The following CAST variants were observed in gnomAD, a reference collection of about 807,000 sequenced individuals.
CAST encodes the protein MIR583 host.
A neutral mutation model predicts 119.6 loss-of-function variants in CAST; 76 were observed. The ratio of observed to expected loss-of-function variants is 0.64; its 90% CI spans 0.53 to 0.77. The LOEUF (loss-of-function observed/expected upper bound fraction) is 0.77. CAST is among the 30% of genes least tolerant of loss of function. The probability of loss-of-function intolerance (pLI) is 0.00; values close to 1 mark genes in which losing one functional copy is unlikely to be tolerated. For synonymous variants in CAST, 319 were observed against 331.6 expected, an observed-to-expected ratio of 0.96 and a Z score of 0.41; for missense variants, 953 against 946.5, an observed-to-expected ratio of 1.01 and a Z score of -0.09.
At chr5:96,632,408 A>AT (rs1747833266) in intron 1 of CAST, among the ~76,000 whole-genome samples, 1 of 150,688 alleles carries the variant, frequency 6.6e-6, no homozygotes, top group Non-Finnish European at 1.5e-5. Flanking sequence ...TGCTTTGTCA[A>AT]TTTTATATAT....
chr5:96,423,659 T>C, the CAST span, among the ~76,000 whole-genome samples: 2,059 of 152,318 alleles, frequency 0.014, 44 homozygotes, highest in African/African-American at 0.047. Context: ...CTTCTCCCGA[T>C]TGTCCCAAAT....
In CAST at chr5:96,747,428, C is replaced by T. The variant is rs775121679; in HGVS notation, c.1332+36C>T. ...ACATTTTTTTCTGATACTTAAAGAACAATAGACATGTAAAGTATGAATTAA... is the reference window on the plus strand; with the variant it reads ...ACATTTTTTTCTGATACTTAAAGAATAATAGACATGTAAAGTATGAATTAA... On this transcript the variant is annotated intron_variant, in intron 18 of 31. Transcript: ENST00000675179. 4 of 1,306,028 alleles carry T rather than the reference C, an allele frequency of 3.1e-6. No individual in the cohort carries two copies. In the Admixed American group the frequency reaches 6.9e-5, roughly 22 times the overall value. 80.9% of individuals were successfully genotyped at this position (1,306,028 alleles called of 1,614,324 possible).
the CAST span, among the ~76,000 whole-genome samples, chr5:96,154,017 G>A: frequency 1.8e-4 from 28 of 152,102 alleles, no homozygotes; most frequent in Non-Finnish European, 2.8e-4. Flanking sequence ...GAGGCCGGGC[G>A]TGGTGGCTCA....
At chr5:96,315,846 A>G in the CAST span, among the ~76,000 whole-genome samples, 2 of 152,046 alleles carry the variant, frequency 1.3e-5, no homozygotes, top group African/African-American at 4.8e-5. Flanking sequence ...CTTTCCTGAG[A>G]TGGCCATGCT....
At chr5:96,361,379 G>GA in the CAST span, among the ~76,000 whole-genome samples, 1,268 of 151,380 alleles carry the variant, frequency 8.4e-3, 16 homozygotes, top group African/African-American at 0.029. Context: ...ACTGGGGTAT[G>GA]AAAAAAAAAC....
At chr5:96,427,632 A>G in the CAST span, among the ~76,000 whole-genome samples, 2 of 152,150 alleles carry the variant, frequency 1.3e-5, no homozygotes, top group African/African-American at 4.8e-5. Flanking sequence ...ATGTATAAAG[A>G]GTAGAATGGG....
chr5:96,283,287 G>T, the CAST span, among the ~76,000 whole-genome samples: 197 of 152,230 alleles, frequency 1.3e-3, no homozygotes, highest in African/African-American at 4.5e-3. Context: ...ATTGATTGAG[G>T]TTTATGTAGG....
chr5:96,550,163 C>A (rs969339990), intron 1 of CAST, among the ~76,000 whole-genome samples: 2 of 152,224 alleles, frequency 1.3e-5, no homozygotes, highest in African/African-American at 2.4e-5. Context: ...TAGGGGCCGA[C>A]AGACACCTCA....
chr5:96,355,544 A>G, the CAST span, among the ~76,000 whole-genome samples: 1 of 152,156 alleles, frequency 6.6e-6, no homozygotes, highest in South Asian at 2.1e-4. Context: ...GTATATACCC[A>G]GTATTAGGAT....
At position 96,581,893 on chromosome 5, in the gene CAST, A is replaced by AAAATAAATAAATAAAT. The variant is rs10631862; in HGVS notation, c.60+52025_60+52040dup. Among the ~76,000 whole-genome samples, 14 of 149,326 alleles carry AAAATAAATAAATAAAT rather than the reference A, an allele frequency of 9.4e-5. No homozygotes were observed. The East Asian group carries it at 1.4e-3, about 15-fold the overall frequency. ...GCGACAGAGCGAAACTCTGTCTCAAAAAATAAATAAATAAATAAATAAATA... is the reference window on the plus strand; with the variant it reads ...GCGACAGAGCGAAACTCTGTCTCAAAAAATAAATAAATAAATAAATAAATAAATAAATAAATAAATA... On this transcript the variant is annotated intron_variant, in intron 1 of 11. Coordinates refer to the CAST transcript ENST00000505143.
At chr5:96,222,887 G>C in the CAST span, among the ~76,000 whole-genome samples, 2 of 152,024 alleles carry the variant, frequency 1.3e-5, no homozygotes, top group East Asian at 1.9e-4. Flanking sequence ...GACTAATAAA[G>C]AGTACATGGT....
the CAST span, among the ~76,000 whole-genome samples, chr5:96,133,592 A>C: frequency 6.6e-6 from 1 of 152,174 alleles, no homozygotes; most frequent in Non-Finnish European, 1.5e-5. Flanking sequence ...ACTTGTGCTT[A>C]TGGTTCTGAG....
the CAST span, among the ~76,000 whole-genome samples, chr5:96,486,811 A>G: frequency 6.6e-6 from 1 of 152,162 alleles, no homozygotes; most frequent in Non-Finnish European, 1.5e-5. Flanking sequence ...CTCTATCCTG[A>G]TCCCCAGGTA....
At chr5:96,561,552 G>T (rs764594422) in intron 1 of CAST, among the ~76,000 whole-genome samples, 2 of 150,186 alleles carry the variant, frequency 1.3e-5, no homozygotes, top group Non-Finnish European at 3.0e-5. Flanking sequence ...ATCACACACC[G>T]GGGCCTGTTG....
chr5:96,142,280 C>T, the CAST span, among the ~76,000 whole-genome samples: 2 of 152,062 alleles, frequency 1.3e-5, no homozygotes, highest in African/African-American at 4.8e-5. Flanking sequence ...AGCATGGTGG[C>T]GTGTGCCTGT....
the CAST span, among the ~76,000 whole-genome samples, chr5:96,380,199 A>C: frequency 3.3e-5 from 5 of 152,160 alleles, no homozygotes; most frequent in African/African-American, 4.8e-5. Context: ...TTGATGGTAC[A>C]AAAGCTATTG....
At chr5:96,650,239 A>G (rs1383915408) in intron 1 of CAST, among the ~76,000 whole-genome samples, 5 of 152,188 alleles carry the variant, frequency 3.3e-5, no homozygotes, top group Non-Finnish European at 7.3e-5. Context: ...GATGAGGGTC[A>G]CTTCCAGTTT....
the CAST span, among the ~76,000 whole-genome samples, chr5:96,001,418 AAG>A: frequency 6.6e-6 from 1 of 152,220 alleles, no homozygotes; most frequent in African/African-American, 2.4e-5. Flanking sequence ...ATGTGCCTGC[AAG>A]AGAGAATTCA....
At chr5:96,320,923 T>TC in the CAST span, among the ~76,000 whole-genome samples, 2 of 152,078 alleles carry the variant, frequency 1.3e-5, no homozygotes. Context: ...CCCCCAGAAA[T>TC]TTAATATGTT....
Sources: gnomAD v4.1 joint callset for allele counts (sites outside exome capture counted in the v4.1 genomes callset) on GRCh38, gnomAD v4.1.1 for gene constraint, MANE v1.5 for transcripts, NCBI Gene and HGNC (gene_info 2026-07-23, HGNC 2026-07-21) for gene names.